The following CSMD1 variants were observed in gnomAD, a reference collection of about 807,000 sequenced individuals.
The protein encoded by CSMD1 is CUB and Sushi multiple domains 1, also known as CUB and sushi domain-containing protein 1.
A neutral mutation model predicts 417.5 loss-of-function variants in CSMD1; 213 were observed. That is an observed-to-expected ratio of 0.51 (90% CI 0.46 to 0.57). The LOEUF is 0.57. Among genes scored for constraint, CSMD1 ranks in the 20% least tolerant of loss-of-function variants. The pLI is 0.00. For synonymous variants in CSMD1, 2,862 were observed against 1,736.8 expected, an observed-to-expected ratio of 1.65 and a Z score of -16.11; for missense variants, 6,923 against 4,529.7, an observed-to-expected ratio of 1.53 and a Z score of -15.17.
At chr8:4,193,397 T>A (rs1799147581) in intron 3 of CSMD1, among the ~76,000 whole-genome samples, 1 of 152,198 alleles carries the variant, frequency 6.6e-6, no homozygotes, top group Non-Finnish European at 1.5e-5. Context: ...TGAATATTCC[T>A]GGGCTTCCAA....
chr8:3,387,449 C>T (rs748349625), intron 18 of CSMD1, 45 bp downstream of exon 18: 2 of 1,519,154 alleles, frequency 1.3e-6, no homozygotes, highest in Non-Finnish European at 8.9e-7. Flanking sequence ...TGTGCGCTGT[C>T]TCTGCACACC....
chr8:3,824,000 G>A (rs1245861006), intron 5 of CSMD1, among the ~76,000 whole-genome samples: 6 of 151,948 alleles, frequency 3.9e-5, no homozygotes, highest in African/African-American at 9.7e-5. Flanking sequence ...TAATGTTTTT[G>A]CTTCCAGTCT....
intron 5 of CSMD1, among the ~76,000 whole-genome samples, chr8:3,915,000 C>T (rs1808717719): frequency 6.6e-6 from 1 of 152,092 alleles, no homozygotes; most frequent in South Asian, 2.1e-4. Context: ...CCTTCACACA[C>T]ATACAAGTGT....
intron 20 of CSMD1, among the ~76,000 whole-genome samples, chr8:3,362,282 C>A (rs945643383): frequency 1.3e-5 from 2 of 152,190 alleles, no homozygotes; most frequent in Non-Finnish European, 2.9e-5. Flanking sequence ...ATTTTCCCAT[C>A]CTCCCTTCCA....
chr8:3,763,723 C>G (rs1028006397), intron 5 of CSMD1, among the ~76,000 whole-genome samples: 1 of 152,138 alleles, frequency 6.6e-6, no homozygotes, highest in Non-Finnish European at 1.5e-5. Context: ...AAACCCTGTA[C>G]CTTTGTACAG....
At chr8:3,038,050 T>C (rs990522235) in intron 50 of CSMD1, among the ~76,000 whole-genome samples, 2 of 152,226 alleles carry the variant, frequency 1.3e-5, no homozygotes. Flanking sequence ...TTTTATACTA[T>C]GGTTATTTTA....
chr8:3,655,823 G>A (rs949453781), intron 7 of CSMD1, among the ~76,000 whole-genome samples: 1 of 152,086 alleles, frequency 6.6e-6, no homozygotes, highest in African/African-American at 2.4e-5. Flanking sequence ...AATATTTTCA[G>A]GACTGATGCA....
intron 3 of CSMD1, among the ~76,000 whole-genome samples, chr8:4,070,022 T>C (rs1799463085): frequency 6.6e-6 from 1 of 152,210 alleles, no homozygotes. Context: ...TTAAGAATTT[T>C]TTTTAATTAA....
rs1204261538 is a variant in CSMD1, at chr8:3,354,875, ATATCTATAGATATGTC to A, written c.3304+4261_3304+4276del. Reference sequence around the variant, plus strand: ...CCTCTCCCTATATATAGATATACATATATCTATAGATATGTCTATCTATAGATCTATCTATAGATAT... The same window carrying A: ...CCTCTCCCTATATATAGATATACATATATCTATAGATCTATCTATAGATAT... On this transcript the variant is annotated intron_variant, in intron 21 of 69. Coordinates refer to ENST00000635120, the MANE Select transcript of CSMD1 (RefSeq NM_033225.6). Among the ~76,000 whole-genome samples the A allele has an allele frequency of 9.8e-5, 7 of 71,544 alleles. No homozygotes were observed. The East Asian group carries it at 3.1e-3, about 32-fold the overall frequency. 46.9% of individuals were successfully genotyped at this position (71,544 alleles called of 152,430 possible). A position where few individuals can be genotyped will look rare whatever the true frequency, so the allele number is the denominator to read the frequency against.
At chr8:3,651,791 C>T (rs868592201) in intron 7 of CSMD1, among the ~76,000 whole-genome samples, 2 of 148,228 alleles carry the variant, frequency 1.3e-5, no homozygotes, top group African/African-American at 5.0e-5. Flanking sequence ...TCAGAGCACC[C>T]ACCACCATCG....
chr8:4,014,313 A>C (rs768100072), intron 4 of CSMD1, among the ~76,000 whole-genome samples: 3 of 152,214 alleles, frequency 2.0e-5, no homozygotes, highest in Non-Finnish European at 4.4e-5. Flanking sequence ...GAACATGGGA[A>C]ACATTCATCA....
intron 6 of CSMD1, among the ~76,000 whole-genome samples, chr8:3,750,194 G>T (rs1049005786): frequency 4.6e-5 from 7 of 151,990 alleles, no homozygotes. Context: ...AACACTGACG[G>T]AATTTTTGTT....
At chr8:4,444,944 T>A (rs1196981715) in intron 2 of CSMD1, among the ~76,000 whole-genome samples, 1 of 152,196 alleles carries the variant, frequency 6.6e-6, no homozygotes, top group East Asian at 1.9e-4. Context: ...TTACATAAAA[T>A]AACTGGGAAA....
chr8:4,370,525 A>G (rs1284313638), intron 3 of CSMD1, among the ~76,000 whole-genome samples: 1 of 152,226 alleles, frequency 6.6e-6, no homozygotes, highest in Non-Finnish European at 1.5e-5. Flanking sequence ...CTATATGTTC[A>G]AATGTGTTTC....
At chr8:4,140,847 A>G (rs531790590) in intron 3 of CSMD1, among the ~76,000 whole-genome samples, 2 of 151,002 alleles carry the variant, frequency 1.3e-5, no homozygotes, top group East Asian at 3.9e-4. Context: ...TTCAAATCAA[A>G]TCTCTGCCCA....
chr8:4,110,574 T>A (rs1356961649), intron 3 of CSMD1, among the ~76,000 whole-genome samples: 1 of 152,194 alleles, frequency 6.6e-6, no homozygotes, highest in East Asian at 1.9e-4. Flanking sequence ...ACTAGTTTAA[T>A]TTTTAAACAG....
At chr8:4,008,677 C>A (rs1347953203) in intron 4 of CSMD1, among the ~76,000 whole-genome samples, 2 of 126,012 alleles carry the variant, frequency 1.6e-5, no homozygotes, top group Non-Finnish European at 1.6e-5. Flanking sequence ...GTGGTGCGAT[C>A]TCAGGTAACT....
chr8:3,369,464 G>A (rs967803911), intron 18 of CSMD1, 94 bp from the exon 19 acceptor site: 1 of 656,448 alleles, frequency 1.5e-6, no homozygotes, highest in Non-Finnish European at 2.7e-6. Flanking sequence ...TTTGCACAAG[G>A]ATTAACAAAT....
chr8:4,850,631 A>G (rs1352619982), intron 1 of CSMD1, among the ~76,000 whole-genome samples: 1 of 151,622 alleles, frequency 6.6e-6, no homozygotes, highest in South Asian at 2.1e-4. Flanking sequence ...TTTTCTCTCT[A>G]TGACTCTTCC....
Sources: gnomAD v4.1 joint callset for allele counts (sites outside exome capture counted in the v4.1 genomes callset) on GRCh38, gnomAD v4.1.1 for gene constraint, MANE v1.5 for transcripts, NCBI Gene and HGNC (gene_info 2026-07-23, HGNC 2026-07-21) for gene names.